The following FRAS1 variants were observed in gnomAD, a reference collection of about 807,000 sequenced individuals.
The protein encoded by FRAS1 is extracellular matrix organizing protein FRAS1.
Under a neutral mutation model 435.2 loss-of-function variants are expected in FRAS1, and 290 were observed. The observed-to-expected ratio is 0.67, with a 90% CI of 0.61 to 0.73. The LOEUF (loss-of-function observed/expected upper bound fraction) is 0.73, where lower values mean the gene tolerates loss of function less well. FRAS1 is among the 30% of genes least tolerant of loss of function. FRAS1 has a pLI of 0.00. For missense variants in FRAS1, 4,860 were observed against 5,001.5 expected (o/e 0.97, Z 0.85); for synonymous variants, 1,800 against 1,851.0 (o/e 0.97, Z 0.71).
At chr4:78,410,603 T>C (rs990801164) in intron 31 of FRAS1, among the ~76,000 whole-genome samples, 1 of 152,184 alleles carries the variant, frequency 6.6e-6, no homozygotes, top group African/African-American at 2.4e-5. Flanking sequence ...TTCTTTAGAA[T>C]GTCCTCCATA....
chr4:78,332,121 T>C (rs1034893807), intron 18 of FRAS1, among the ~76,000 whole-genome samples: 4 of 152,178 alleles, frequency 2.6e-5, no homozygotes, highest in African/African-American at 7.2e-5. Flanking sequence ...AGACTGTCTC[T>C]AGTTGTCTAG....
intron 69 of FRAS1, 141 bp downstream of exon 69, chr4:78,522,949 A>T: frequency 1.2e-6 from 1 of 825,014 alleles, no homozygotes; most frequent in Admixed American, 3.6e-5. Context: ...CTCAGCTGGG[A>T]GTAGTGGTGC....
intron 20 of FRAS1, among the ~76,000 whole-genome samples, chr4:78,347,699 G>A (rs1248736597): frequency 2.6e-5 from 4 of 151,328 alleles, no homozygotes; most frequent in Admixed American, 2.6e-4. Context: ...TATTCACTTT[G>A]GATAAAATAT....
intron 14 of FRAS1, among the ~76,000 whole-genome samples, chr4:78,303,219 C>G (rs1012793611): frequency 3.3e-5 from 5 of 152,002 alleles, no homozygotes; most frequent in African/African-American, 1.2e-4. Context: ...TGATCTATAT[C>G]TCTGTTTTGG....
chr4:78,474,960 C>G (rs1719813715), intron 53 of FRAS1, among the ~76,000 whole-genome samples: 1 of 152,210 alleles, frequency 6.6e-6, no homozygotes, highest in African/African-American at 2.4e-5. Context: ...AGGCTTACCT[C>G]ACATTTTCTT....
rs750590926 is a variant in FRAS1, at chr4:78,439,063, C to G, written c.5528C>G (p.Thr1843Arg). ...GTCATTGCTTTTGCTGACCTTATCA[C>G]GGTAAACAATTCTCAGATCAATAAA... ...PPVIAFADLI[T>R]VDEGGRAPLS... The change falls in exon 40 of 74, where the codon ACG becomes AGG. Residue 1843 changes from threonine (T) to arginine (R), a missense_variant and splice_region_variant. Transcript: ENST00000512123. 6.2e-7 allele frequency: 1 copy of G among 1,610,840 alleles called. No homozygotes were observed. The highest frequency in any genetic ancestry group is 1.7e-5 in the Admixed American group (1 of 59,886).
At chr4:78,384,715 G>A (rs1229770796) in intron 28 of FRAS1, among the ~76,000 whole-genome samples, 4 of 149,820 alleles carry the variant, frequency 2.7e-5, no homozygotes, top group Admixed American at 6.7e-5. Flanking sequence ...GCAACATGGC[G>A]AAACCCCGTC....
intron 22 of FRAS1, among the ~76,000 whole-genome samples, chr4:78,369,247 T>G (rs1171048246): frequency 6.6e-6 from 1 of 152,138 alleles, no homozygotes; most frequent in Non-Finnish European, 1.5e-5. Flanking sequence ...AACAACTGTG[T>G]AGATGGAGAA....
rs559950865 is a variant in FRAS1, at chr4:78,530,696, A to G, written c.10926-3753A>G. On this transcript the variant is annotated intron_variant, in intron 70 of 73. Coordinates refer to ENST00000512123, the MANE Select transcript of FRAS1 (RefSeq NM_025074.7). ...GGCCTCTGTTCTGTTCCATTGGTCTATATATCTCTTTTGGTACAAGTACCA... is the reference window on the plus strand; with the variant it reads ...GGCCTCTGTTCTGTTCCATTGGTCTGTATATCTCTTTTGGTACAAGTACCA... Among the ~76,000 whole-genome samples the G allele has an allele frequency of 3.9e-5, 6 of 152,238 alleles. No individual in the cohort carries two copies. The East Asian group carries it at 7.7e-4, about 20-fold the overall frequency.
intron 38 of FRAS1, among the ~76,000 whole-genome samples, chr4:78,433,716 G>A (rs1545894): frequency 0.31 from 47,386 of 151,992 alleles, 8,421 homozygotes; most frequent in Admixed American, 0.4. Context: ...TTTACTGTAA[G>A]TTATGGTTTT....
chr4:78,357,673 G>A (rs1167238362), intron 20 of FRAS1, among the ~76,000 whole-genome samples: 1 of 152,074 alleles, frequency 6.6e-6, no homozygotes, highest in Non-Finnish European at 1.5e-5. Flanking sequence ...AAACCAAGGA[G>A]GGAAGATTGC....
chr4:78,440,774 G>A (rs1179138838), intron 40 of FRAS1, among the ~76,000 whole-genome samples: 9 of 152,172 alleles, frequency 5.9e-5, no homozygotes, highest in South Asian at 4.1e-4. Flanking sequence ...CACAGTATCC[G>A]CAGGAGAACT....
chr4:78,115,530 A>T (rs937251002), intron 2 of FRAS1, among the ~76,000 whole-genome samples: 1 of 152,126 alleles, frequency 6.6e-6, no homozygotes, highest in Admixed American at 6.5e-5. Context: ...CTATTCAGAG[A>T]TTCAACTTCT....
chr4:78,321,838 CAAA>C (rs35661816), intron 18 of FRAS1, among the ~76,000 whole-genome samples: 15 of 106,238 alleles, frequency 1.4e-4, no homozygotes, highest in Non-Finnish European at 1.5e-4. Flanking sequence ...AAAACTTCGT[CAAA>C]AAAAAAAAAA....
At chr4:78,184,099 G>A (rs893787884) in intron 2 of FRAS1, among the ~76,000 whole-genome samples, 1 of 152,162 alleles carries the variant, frequency 6.6e-6, no homozygotes, top group Admixed American at 6.5e-5. Flanking sequence ...TAGAGTTTGA[G>A]AAACACTGCT....
chr4:78,363,230 G>T (rs1237385926), intron 20 of FRAS1, among the ~76,000 whole-genome samples: 1 of 152,160 alleles, frequency 6.6e-6, no homozygotes, highest in East Asian at 1.9e-4. Context: ...TATACTCCTA[G>T]CAAGTATCTA....
chr4:78,511,891 A>T (rs1323332594), intron 64 of FRAS1, among the ~76,000 whole-genome samples: 1 of 152,068 alleles, frequency 6.6e-6, no homozygotes, highest in Non-Finnish European at 1.5e-5. Flanking sequence ...CATTTCCAAC[A>T]TCTCCCCTAA....
intron 56 of FRAS1, 128 bp from the exon 57 acceptor site, chr4:78,481,676 G>A: frequency 1.0e-6 from 1 of 973,778 alleles, no homozygotes; most frequent in South Asian, 1.4e-5. Flanking sequence ...CATCACTGAA[G>A]CTAGATTAGA....
chr4:78,128,322 C>T (rs967024659), intron 2 of FRAS1, among the ~76,000 whole-genome samples: 30 of 152,112 alleles, frequency 2.0e-4, no homozygotes, highest in Non-Finnish European at 1.2e-4. Flanking sequence ...TCTGAGGAAT[C>T]GCCACACTGA....
Sources: allele counts gnomAD v4.1 joint callset (sites outside exome capture counted in the v4.1 genomes callset), GRCh38; gene constraint gnomAD v4.1.1; transcripts MANE v1.5; gene names NCBI Gene and HGNC (gene_info 2026-07-23, HGNC 2026-07-21).